The following DMAC2L variants were observed in gnomAD, a reference collection of about 807,000 sequenced individuals.
DMAC2L encodes ATP synthase subunit s, mitochondrial.
A neutral mutation model predicts 22.5 loss-of-function variants in DMAC2L; 21 were observed. The observed-to-expected ratio is 0.93, with a 90% confidence interval of 0.66 to 1.34. The LOEUF is 1.34. Among genes scored for constraint, DMAC2L ranks in the 40% most tolerant of loss-of-function variants. The pLI, the probability that DMAC2L is intolerant of heterozygous loss-of-function variation, is 0.00. For synonymous variants in DMAC2L, 86 were observed against 89.5 expected, an observed-to-expected ratio of 0.96 and a Z score of 0.22; for missense variants, 239 against 246.5, an observed-to-expected ratio of 0.97 and a Z score of 0.20.
In DMAC2L at chr14:50,312,410, C is replaced by A. The variant is rs1371543722; in HGVS notation, c.-42+21C>A. On this transcript the variant is annotated intron_variant, in intron 1 of 5. Coordinates refer to ENST00000557421, the MANE Select transcript of DMAC2L (RefSeq NM_001382507.1). ...ACGCTGTGAGTAGAGAAGCTAGGCC[C>A]CGAGCCGGGCGGGACTAGGGTGGTG... is the stretch of plus-strand genomic sequence containing the variant. The A allele has an allele frequency of 1.4e-5, 8 of 563,718 alleles. No homozygotes were observed. In the East Asian group the frequency reaches 2.4e-4, roughly 17 times the overall value. The allele number at this position is 563,718 out of a possible 1,614,324, so 34.9% of individuals were successfully genotyped here.
chr14:50,324,464 G>A (rs1298249671), intron 5 of DMAC2L: 2 of 159,414 alleles, frequency 1.3e-5, no homozygotes, highest in Non-Finnish European at 2.7e-5. Context: ...AAGACATTTG[G>A]TATATACCTA....
chr14:50,311,956 G>A (rs554000721), upstream of DMAC2L: 6 of 1,538,116 alleles, frequency 3.9e-6, no homozygotes, highest in South Asian at 6.0e-5. Flanking sequence ...CCACCACCAG[G>A]TGCCTCCGCG....
chr14:50,312,119 G>A, upstream of DMAC2L: 1 of 1,609,914 alleles, frequency 6.2e-7, no homozygotes, highest in Non-Finnish European at 8.5e-7. Context: ...CCGTCCGCAG[G>A]CACCAACCAA....
upstream of DMAC2L, chr14:50,311,905 C>G: frequency 6.8e-7 from 1 of 1,464,932 alleles, no homozygotes; most frequent in Non-Finnish European, 9.2e-7. Context: ...CCCCAACCTG[C>G]TCTCACCCCG....
chr14:50,316,408 A>C lies in DMAC2L; in HGVS notation c.-6+1782A>C, dbSNP rs989279457. ...GCCACGCAAAAGCTCTTTAGTCCCA[A>C]CTATTTATCTTTGTTTTTATTGCAT... On this transcript the variant is annotated intron_variant, in intron 2 of 5. Transcript: ENST00000557421. Among the ~76,000 whole-genome samples, 4 of 152,070 alleles carry C rather than the reference A, an allele frequency of 2.6e-5. No homozygotes were observed. The South Asian group carries it at 8.3e-4, about 32-fold the overall frequency.
At chr14:50,325,498 T>C in intron 5 of DMAC2L, 111 bp from the exon 6 acceptor site, 1 of 1,297,250 alleles carries the variant, frequency 7.7e-7, no homozygotes, top group South Asian at 1.4e-5. Context: ...TTTGAAGGCA[T>C]AGGGTGATAT....
intron 1 of DMAC2L, chr14:50,312,773 C>T (rs1488459209): frequency 1.9e-6 from 1 of 517,514 alleles, no homozygotes; most frequent in African/African-American, 2.0e-5. Context: ...CCTGTCCGGC[C>T]CTAATCCTCG....
intron 5 of DMAC2L, 46 bp from the exon 6 acceptor site, chr14:50,325,563 T>C: frequency 6.5e-7 from 1 of 1,536,988 alleles, no homozygotes. Flanking sequence ...GAATTTATTT[T>C]TAATGCTCTT....
At chr14:50,321,359 G>C in intron 2 of DMAC2L, 124 bp from the exon 3 acceptor site, 1 of 1,405,512 alleles carries the variant, frequency 7.1e-7, no homozygotes, top group Non-Finnish European at 9.3e-7. Flanking sequence ...GACTTGCTCA[G>C]TAATTGTTGA....
rs1375430287 is a variant in DMAC2L at position 50,321,468 on chromosome 14, G to A, written c.-5-15G>A. ...CGGATGATGATCTAATGTAAGTACT[G>A]TTTTGTGTGTCTAGATCAAATGATG... On this transcript the variant is annotated splice_polypyrimidine_tract_variant and intron_variant, in intron 2 of 5. Coordinates refer to ENST00000557421, the MANE Select transcript of DMAC2L (RefSeq NM_001382507.1). 2 of 1,613,074 alleles carry A rather than the reference G, an allele frequency of 1.2e-6. No homozygotes were observed. Among genetic ancestry groups the A allele is most frequent in the Non-Finnish European group, 1.7e-6 (2 of 1,179,294 alleles).
At chr14:50,320,635 A>G (rs1015960381) in intron 2 of DMAC2L, among the ~76,000 whole-genome samples, 2 of 152,156 alleles carry the variant, frequency 1.3e-5, no homozygotes, top group African/African-American at 4.8e-5. Context: ...TGAGGCATTT[A>G]TCAAGTTCTG....
intron 5 of DMAC2L, 97 bp downstream of exon 5, chr14:50,324,213 T>TA (rs1213539767): frequency 7.7e-7 from 1 of 1,290,418 alleles, no homozygotes; most frequent in Non-Finnish European, 1.0e-6. Flanking sequence ...TTTTTAGTTC[T>TA]AAAAAAGATA....
At position 50,325,734 on chromosome 14, in the gene DMAC2L, C is replaced by T; in HGVS notation, c.*11C>T. Reference sequence around the variant, plus strand: ...TTACAATTGAAGTAAAATAATGTGTCTTATTTCAGTATAAAGGATCATTTG... The same window carrying T: ...TTACAATTGAAGTAAAATAATGTGTTTTATTTCAGTATAAAGGATCATTTG... On this transcript the variant is annotated 3_prime_UTR_variant, in exon 6 of 6. Coordinates refer to ENST00000557421, the MANE Select transcript of DMAC2L (RefSeq NM_001382507.1). The T allele has an allele frequency of 6.2e-7, 1 of 1,601,436 alleles. No homozygotes were observed. Among genetic ancestry groups the T allele is most frequent in the Non-Finnish European group, 8.5e-7 (1 of 1,173,594 alleles).
In DMAC2L at chr14:50,326,483, G is replaced by A. The variant is rs1713392843; in HGVS notation, c.*760G>A. 1.0e-6 allele frequency: 1 copy of A among 985,262 alleles called. No individual in the cohort carries two copies. Among genetic ancestry groups the A allele is most frequent in the Non-Finnish European group, 1.2e-6 (1 of 829,922 alleles). 61.0% of individuals were successfully genotyped at this position (985,262 alleles called of 1,614,324 possible). ...ATTGATGGAGTCAATTATGCAAAGT[G>A]GTCAGTGGTTGTTGAAGCATGCATT... On this transcript the variant is annotated 3_prime_UTR_variant, in exon 6 of 6. Transcript: ENST00000557421.
At chr14:50,318,775 CCTT>C (rs1566556304) in intron 2 of DMAC2L, among the ~76,000 whole-genome samples, 1 of 152,058 alleles carries the variant, frequency 6.6e-6, no homozygotes, top group Non-Finnish European at 1.5e-5. Context: ...AGTGTGAAGG[CCTT>C]CTTCTCACTC....
intron 3 of DMAC2L, 122 bp from the exon 4 acceptor site, chr14:50,322,389 T>G: frequency 9.0e-7 from 1 of 1,115,764 alleles, no homozygotes; most frequent in Non-Finnish European, 1.2e-6. Context: ...CACTAATTTA[T>G]CTTCCTCGTC....
upstream of DMAC2L, chr14:50,312,265 C>T (rs539390637): frequency 1.0e-4 from 148 of 1,471,648 alleles, no homozygotes; most frequent in East Asian, 2.9e-3. Context: ...AAGTGGCGCG[C>T]CTTCGCCCCA....
intron 4 of DMAC2L, 93 bp from the exon 5 acceptor site, chr14:50,323,852 T>C: frequency 9.6e-7 from 1 of 1,045,224 alleles, no homozygotes; most frequent in Non-Finnish European, 1.4e-6. Flanking sequence ...CATAGGACTT[T>C]CAGTCCTAAA....
chr14:50,325,847 A>G lies in DMAC2L; in HGVS notation c.*124A>G. On this transcript the variant is annotated 3_prime_UTR_variant, in exon 6 of 6. Coordinates refer to ENST00000557421, the MANE Select transcript of DMAC2L (RefSeq NM_001382507.1). ...ATATCATGACATTTTAGAAGTGGAG[A>G]GTGCATCATATGTAGAAAATAAATA... 4 of 1,394,522 alleles carry G rather than the reference A, an allele frequency of 2.9e-6. No individual in the cohort carries two copies. The highest frequency in any genetic ancestry group is 1.6e-5 in the South Asian group (1 of 61,516). 86.4% of individuals were successfully genotyped at this position (1,394,522 alleles called of 1,614,324 possible).
Sources: allele counts gnomAD v4.1 joint callset (sites outside exome capture counted in the v4.1 genomes callset), GRCh38; gene constraint gnomAD v4.1.1; transcripts MANE v1.5; gene names NCBI Gene and HGNC (gene_info 2026-07-23, HGNC 2026-07-21).